SLC39A10: variants seen among roughly 807,000 people sequenced by gnomAD.
SLC39A10 encodes solute carrier family 39 member 10, also known as zinc transporter ZIP10.
SLC39A10 carries 13 observed loss-of-function variants against 65.1 expected under a neutral mutation model. The ratio of observed to expected loss-of-function variants is 0.20; its 90% CI spans 0.13 to 0.32. The LOEUF is 0.32. Among genes scored for constraint, SLC39A10 ranks in the 10% least tolerant of loss-of-function variants. SLC39A10 has a pLI of 1.00. For synonymous variants in SLC39A10, 321 were observed against 342.2 expected (o/e 0.94, Z 0.68); for missense variants, 831 against 1,018.4 (o/e 0.82, Z 2.50).
intron 1 of SLC39A10, chr2:195,671,619 G>A (rs1689861828): frequency 6.6e-6 from 1 of 152,158 alleles, no homozygotes; most frequent in Non-Finnish European, 1.5e-5. Flanking sequence ...GTGGTATATG[G>A]GCTTCTACCA....
chr2:195,645,858 G>A lies in SLC39A10; in HGVS notation c.-11-34174G>A, dbSNP rs747445956. 2.6e-5 allele frequency among the ~76,000 whole-genome samples: 4 copies of A among 152,172 alleles called. No homozygotes were observed. The South Asian group carries it at 8.3e-4, about 31-fold the overall frequency. On this transcript the variant is annotated intron_variant, in intron 2 of 2. Coordinates refer to the SLC39A10 transcript ENST00000458054. ...CCTGCAAAGTATTGATCATTCTACA[G>A]GTACTGAAAATGAAGCTTAATGATC... is the stretch of plus-strand genomic sequence containing the variant.
At chr2:195,640,182 G>A (rs548100036) in intron 2 of SLC39A10, among the ~76,000 whole-genome samples, 209 of 152,194 alleles carry the variant, frequency 1.4e-3, no homozygotes, top group African/African-American at 4.5e-3. Context: ...AAGTAAATAA[G>A]TGTTGAAGAA....
At chr2:195,633,364 C>G (rs1376335391) in intron 2 of SLC39A10, among the ~76,000 whole-genome samples, 2 of 152,266 alleles carry the variant, frequency 1.3e-5, no homozygotes, top group African/African-American at 4.8e-5. Flanking sequence ...AGGAGCAAAA[C>G]TCCATGTGGG....
In SLC39A10 at chr2:195,737,474, A is replaced by AT. The variant is rs1692688405; in HGVS notation, c.*2433_*2434insT. 1 of 160,668 alleles carries AT rather than the reference A, an allele frequency of 6.2e-6. No homozygotes were observed. The highest frequency in any genetic ancestry group is 2.4e-5 in the African/African-American group (1 of 41,282). The allele number at this position is 160,668 out of a possible 1,614,324, so 10.0% of individuals were successfully genotyped here. A position where few individuals can be genotyped will look rare whatever the true frequency, so the allele number is the denominator to read the frequency against. On this transcript the variant is annotated 3_prime_UTR_variant, in exon 10 of 10. Transcript: ENST00000359634. Reference sequence around the variant, plus strand: ...TGCAGTGTGAATTTTTTCCATTAACAAACAAACAAGTCAGTGGCTTAAATG... The same window carrying AT: ...TGCAGTGTGAATTTTTTCCATTAACATAACAAACAAGTCAGTGGCTTAAATG...
intron 1 of SLC39A10, among the ~76,000 whole-genome samples, chr2:195,667,640 A>G (rs1266541780): frequency 6.6e-6 from 1 of 152,234 alleles, no homozygotes. Context: ...TTAGGTTAAT[A>G]TATTTAATTG....
At chr2:195,657,739 T>C (rs1429305805) in intron 1 of SLC39A10, 1 of 621,706 alleles carries the variant, frequency 1.6e-6, no homozygotes, top group Admixed American at 6.3e-5. Flanking sequence ...TGGGGATCTG[T>C]AGGCAGGTCT....
At chr2:195,650,230 C>T (rs1472441241) in intron 2 of SLC39A10, among the ~76,000 whole-genome samples, 1 of 148,930 alleles carries the variant, frequency 6.7e-6, no homozygotes, top group Non-Finnish European at 1.5e-5. Flanking sequence ...TGCAGTGAGC[C>T]GAGATCCCAC....
chr2:195,657,314 C>A, intron 1 of SLC39A10, 33 bp downstream of exon 1: 7 of 889,984 alleles, frequency 7.9e-6, no homozygotes, highest in South Asian at 5.1e-5. Flanking sequence ...TTTACATTCC[C>A]TCCCCCAGAA....
At position 195,734,957 on chromosome 2, in the gene SLC39A10, G is replaced by A; in HGVS notation, c.2412G>A (p.Gln804=). The part of the protein sequence containing the change: ...GFCPVGQFIL[Q]NLGLLFGFAI... ...GTCCTGTGGGGCAATTCATCCTTCA[G>A]AATTTAGGATTGCTCTTTGGATTTG... is the stretch of plus-strand genomic sequence containing the variant. Residue 804 remains glutamine (Q), a synonymous_variant, in exon 10 of 10, where the codon CAG becomes CAA. Transcript: ENST00000359634. 6.2e-7 allele frequency: 1 copy of A among 1,613,700 alleles called. No homozygotes were observed. The highest frequency in any genetic ancestry group is 8.5e-7 in the Non-Finnish European group (1 of 1,179,826).
In SLC39A10 at chr2:195,734,779, A is replaced by G. The variant is rs1692536316; in HGVS notation, c.2338-104A>G. ...TCAATAAAATAATTATTTTGTCTGTAGTTACACTTCAGTCACTAATTTTCT... is the reference window on the plus strand; with the variant it reads ...TCAATAAAATAATTATTTTGTCTGTGGTTACACTTCAGTCACTAATTTTCT... On this transcript the variant is annotated intron_variant, in intron 9 of 9. Coordinates refer to ENST00000359634, the MANE Select transcript of SLC39A10 (RefSeq NM_020342.3). 9 of 1,079,884 alleles carry G rather than the reference A, an allele frequency of 8.3e-6. No homozygotes were observed. In the Admixed American group the frequency reaches 2.4e-4, roughly 28 times the overall value. The allele number at this position is 1,079,884 out of a possible 1,614,324, so 66.9% of individuals were successfully genotyped here. A position where few individuals can be genotyped will look rare whatever the true frequency, so the allele number is the denominator to read the frequency against.
intron 2 of SLC39A10, among the ~76,000 whole-genome samples, chr2:195,624,330 T>C (rs1487020013): frequency 7.2e-6 from 1 of 139,264 alleles, no homozygotes; most frequent in Non-Finnish European, 1.5e-5. Context: ...GAGGTTACCG[T>C]GAGCCGAAAT....
intron 2 of SLC39A10, among the ~76,000 whole-genome samples, chr2:195,624,413 G>C (rs1260007925): frequency 7.0e-6 from 1 of 142,768 alleles, no homozygotes; most frequent in Non-Finnish European, 1.5e-5. Context: ...AAAAAAAAAG[G>C]AAGAAGGCCT....
At chr2:195,698,342 A>G (rs1028592110) in intron 3 of SLC39A10, among the ~76,000 whole-genome samples, 26 of 152,122 alleles carry the variant, frequency 1.7e-4, no homozygotes, top group African/African-American at 6.3e-4. Flanking sequence ...GTTTGGCTAG[A>G]ACTTCCAGTA....
chr2:195,674,567 G>A (rs1690006730), intron 1 of SLC39A10: 1 of 985,188 alleles, frequency 1.0e-6, no homozygotes, highest in Non-Finnish European at 1.2e-6. Context: ...GTGAACCACT[G>A]CACCCGGCCT....
intron 6 of SLC39A10, among the ~76,000 whole-genome samples, chr2:195,714,662 T>C (rs1325958917): frequency 6.6e-6 from 1 of 152,200 alleles, no homozygotes; most frequent in African/African-American, 2.4e-5. Context: ...ACAACATAAT[T>C]TTCCTAAAAA....
At chr2:195,657,854 C>A (rs1168585770) in intron 1 of SLC39A10, among the ~76,000 whole-genome samples, 1 of 152,200 alleles carries the variant, frequency 6.6e-6, no homozygotes, top group Non-Finnish European at 1.5e-5. Flanking sequence ...CACCGCTGTT[C>A]CGGACCGAGG....
intron 2 of SLC39A10, among the ~76,000 whole-genome samples, chr2:195,617,700 G>GTTTCTTTTCTTTTCTTTTCT (rs58481026): frequency 1.1e-4 from 11 of 97,540 alleles, no homozygotes; most frequent in Admixed American, 9.3e-4. Flanking sequence ...GTGAGACCTT[G>GTTTCTTTTCTTTTCTTTTCT]TTTCTTTTCT....
intron 1 of SLC39A10, among the ~76,000 whole-genome samples, chr2:195,676,681 A>G (rs1690103635): frequency 6.6e-6 from 1 of 152,048 alleles, no homozygotes; most frequent in Non-Finnish European, 1.5e-5. Flanking sequence ...GTTCTATGTT[A>G]TTTTCGTTAG....
chr2:195,651,697 A>G (rs1689035504), intron 2 of SLC39A10, among the ~76,000 whole-genome samples: 1 of 151,220 alleles, frequency 6.6e-6, no homozygotes, highest in South Asian at 2.1e-4. Flanking sequence ...CTGGTCTTGA[A>G]CTCCTGACCT....
Sources: gnomAD v4.1 joint callset for allele counts (sites outside exome capture counted in the v4.1 genomes callset) on GRCh38, gnomAD v4.1.1 for gene constraint, MANE v1.5 for transcripts, NCBI Gene and HGNC (gene_info 2026-07-23, HGNC 2026-07-21) for gene names.